KCNIP1: variants seen among roughly 807,000 people sequenced by gnomAD.
The protein encoded by KCNIP1 is A-type potassium channel modulatory protein KCNIP1.
KCNIP1 carries 18 observed loss-of-function variants against 33.0 expected under a neutral mutation model. The ratio of observed to expected loss-of-function variants is 0.55; its 90% CI spans 0.38 to 0.81. The LOEUF is 0.81. Among genes scored for constraint, KCNIP1 ranks in the 30% least tolerant of loss-of-function variants. KCNIP1 has a pLI of 0.00. For synonymous variants in KCNIP1, 93 were observed against 98.3 expected, an observed-to-expected ratio of 0.95 and a Z score of 0.32; for missense variants, 238 against 271.6, an observed-to-expected ratio of 0.88 and a Z score of 0.87.
chr5:170,578,502 C>A (rs1473669329), intron 1 of KCNIP1, among the ~76,000 whole-genome samples: 1 of 152,032 alleles, frequency 6.6e-6, no homozygotes, highest in African/African-American at 2.4e-5. Context: ...AGACTGTGCA[C>A]ATGAGGAGAT....
At chr5:170,549,703 T>A (rs1756539165) in intron 1 of KCNIP1, among the ~76,000 whole-genome samples, 1 of 152,198 alleles carries the variant, frequency 6.6e-6, no homozygotes, top group South Asian at 2.1e-4. Flanking sequence ...GCTTGAAACT[T>A]CTCTTGGAAA....
At chr5:170,431,631 A>G (rs1398745488) in intron 1 of KCNIP1, among the ~76,000 whole-genome samples, 1 of 152,246 alleles carries the variant, frequency 6.6e-6, no homozygotes, top group Non-Finnish European at 1.5e-5. Flanking sequence ...AATGGATCCA[A>G]CCAGAGAGAA....
chr5:170,543,268 C>A (rs185160720), intron 1 of KCNIP1, among the ~76,000 whole-genome samples: 197 of 152,244 alleles, frequency 1.3e-3, no homozygotes, highest in Middle Eastern at 3.4e-3. Flanking sequence ...CACGGACAGT[C>A]CTCATTTTTC....
chr5:170,503,169 C>A (rs1757451035), upstream of KCNIP1, among the ~76,000 whole-genome samples: 1 of 152,036 alleles, frequency 6.6e-6, no homozygotes, highest in Non-Finnish European at 1.5e-5. Context: ...GCGGGTGGAT[C>A]ACCTGAGGTC....
chr5:170,657,491 G>A (rs1026259841), intron 1 of KCNIP1, among the ~76,000 whole-genome samples: 1 of 152,116 alleles, frequency 6.6e-6, no homozygotes, highest in African/African-American at 2.4e-5. Context: ...GCCTTGATGG[G>A]CCTCTATGGG....
intron 1 of KCNIP1, among the ~76,000 whole-genome samples, chr5:170,653,158 A>G (rs1277042014): frequency 2.6e-5 from 4 of 152,362 alleles, no homozygotes; most frequent in Admixed American, 6.5e-5. Flanking sequence ...CAGCCCAGCT[A>G]TGAACCCCAT....
chr5:170,357,819 G>A lies in KCNIP1; in HGVS notation c.88+3855G>A, dbSNP rs574494835. Among the ~76,000 whole-genome samples the A allele has an allele frequency of 7.2e-5, 11 of 152,274 alleles. No individual in the cohort carries two copies. The South Asian group carries it at 1.7e-3, about 23-fold the overall frequency. On this transcript the variant is annotated intron_variant, in intron 1 of 7. Transcript: ENST00000377360. ...TGGGATTACAGGCATGAGCCACCAC[G>A]TCCAGCCACTGGATGACTTTAGACC...
intron 2 of KCNIP1, among the ~76,000 whole-genome samples, chr5:170,719,240 C>T (rs971233600): frequency 3.3e-5 from 5 of 151,980 alleles, no homozygotes; most frequent in African/African-American, 9.7e-5. Flanking sequence ...TTATGCTAAC[C>T]AGGCTCACCG....
intron 1 of KCNIP1, among the ~76,000 whole-genome samples, chr5:170,557,679 G>A (rs1756887256): frequency 6.6e-6 from 1 of 152,204 alleles, no homozygotes; most frequent in South Asian, 2.1e-4. Flanking sequence ...CTAGGCAGAG[G>A]AAGCAGTTTG....
rs983473138 is a variant in KCNIP1, at chr5:170,473,561, C to T, written c.88+119597C>T. Among the ~76,000 whole-genome samples, 9 of 152,206 alleles carry T rather than the reference C, an allele frequency of 5.9e-5. No homozygotes were observed. In the East Asian group the frequency reaches 1.7e-3, roughly 29 times the overall value. Reference sequence around the variant, plus strand: ...CAGGAGTTTTTAATAATCAAAGCAACCTCACACCGAAGTCTAAGGGAAAGC... The same window carrying T: ...CAGGAGTTTTTAATAATCAAAGCAATCTCACACCGAAGTCTAAGGGAAAGC... On this transcript the variant is annotated intron_variant, in intron 1 of 7. Transcript: ENST00000377360.
chr5:170,571,006 G>A (rs1055872853), intron 1 of KCNIP1, among the ~76,000 whole-genome samples: 1 of 152,210 alleles, frequency 6.6e-6, no homozygotes, highest in South Asian at 2.1e-4. Context: ...CAATCAAAAA[G>A]TAGCTCAACT....
At chr5:170,726,016 G>T (rs1763993018) in intron 5 of KCNIP1, among the ~76,000 whole-genome samples, 1 of 152,032 alleles carries the variant, frequency 6.6e-6, no homozygotes, top group African/African-American at 2.4e-5. Flanking sequence ...TAAAACAAAA[G>T]CTGTTTTCTT....
intron 1 of KCNIP1, among the ~76,000 whole-genome samples, chr5:170,697,415 A>C (rs763363052): frequency 6.6e-5 from 10 of 152,220 alleles, no homozygotes; most frequent in Non-Finnish European, 1.5e-4. Context: ...TTAGATACTT[A>C]GTAGTTATGT....
At chr5:170,528,201 C>A (rs1473228540) in intron 1 of KCNIP1, among the ~76,000 whole-genome samples, 1 of 152,180 alleles carries the variant, frequency 6.6e-6, no homozygotes, top group Non-Finnish European at 1.5e-5. Context: ...GCTCACTGGG[C>A]CCTGCTCCCC....
At chr5:170,454,771 G>A (rs1374276962) in intron 1 of KCNIP1, among the ~76,000 whole-genome samples, 1 of 152,078 alleles carries the variant, frequency 6.6e-6, no homozygotes, top group Non-Finnish European at 1.5e-5. Context: ...AGACTTCTGT[G>A]TAAACATAAA....
At chr5:170,423,703 G>C (rs548269368) in intron 1 of KCNIP1, among the ~76,000 whole-genome samples, 1 of 152,220 alleles carries the variant, frequency 6.6e-6, no homozygotes, top group Admixed American at 6.5e-5. Flanking sequence ...TTCTCAAATG[G>C]GCTCTTCAGA....
chr5:170,665,005 A>T (rs1231216730), intron 1 of KCNIP1, among the ~76,000 whole-genome samples: 2 of 152,206 alleles, frequency 1.3e-5, no homozygotes, highest in Non-Finnish European at 2.9e-5. Context: ...ATTTTGTTCC[A>T]AGTCACAAGC....
chr5:170,424,586 G>T (rs1380999630), intron 1 of KCNIP1, among the ~76,000 whole-genome samples: 1 of 152,120 alleles, frequency 6.6e-6, no homozygotes, highest in Non-Finnish European at 1.5e-5. Context: ...GTGGGGCAGG[G>T]TAGATACTGA....
At chr5:170,505,394 G>A (rs1245477647) in intron 1 of KCNIP1, among the ~76,000 whole-genome samples, 1 of 152,154 alleles carries the variant, frequency 6.6e-6, no homozygotes, top group Non-Finnish European at 1.5e-5. Context: ...GGACAATGCA[G>A]GTCTCCTTAC....
Sources: gnomAD v4.1 joint callset for allele counts (sites outside exome capture counted in the v4.1 genomes callset) on GRCh38, gnomAD v4.1.1 for gene constraint, MANE v1.5 for transcripts, NCBI Gene and HGNC (gene_info 2026-07-23, HGNC 2026-07-21) for gene names.